Variants in STXBP5L observed in about 807,000 individuals in gnomAD.
STXBP5L encodes syntaxin binding protein 5L.
In STXBP5L, 65 loss-of-function variants were observed where a neutral mutation model predicts 144.5. That is an observed-to-expected ratio of 0.45 (90% CI 0.37 to 0.55). The LOEUF is 0.55. STXBP5L is among the 20% of genes least tolerant of loss of function. The pLI is 0.00. For missense variants in STXBP5L, 1,298 were observed against 1,405.5 expected, an observed-to-expected ratio of 0.92 and a Z score of 1.22; for synonymous variants, 505 against 469.6, an observed-to-expected ratio of 1.08 and a Z score of -0.97.
intron 3 of STXBP5L, among the ~76,000 whole-genome samples, chr3:120,998,261 T>A (rs528446632): frequency 8.5e-5 from 13 of 152,134 alleles, no homozygotes; most frequent in African/African-American, 3.1e-4. Flanking sequence ...AGAAGTAAAG[T>A]CCTCCAAATA....
chr3:120,966,747 A>G (rs919878404), intron 3 of STXBP5L, among the ~76,000 whole-genome samples: 2 of 152,096 alleles, frequency 1.3e-5, no homozygotes, highest in African/African-American at 4.8e-5. Context: ...TTAGGCTACA[A>G]GGGGGTCAGG....
chr3:121,321,297 T>C (rs938864891), intron 20 of STXBP5L, among the ~76,000 whole-genome samples: 1 of 152,202 alleles, frequency 6.6e-6, no homozygotes, highest in Non-Finnish European at 1.5e-5. Flanking sequence ...TTAAACTATG[T>C]GAAATGCATC....
intron 18 of STXBP5L, among the ~76,000 whole-genome samples, chr3:121,277,541 T>C (rs537844390): frequency 6.6e-6 from 1 of 152,192 alleles, no homozygotes; most frequent in South Asian, 2.1e-4. Flanking sequence ...CTTGATTATC[T>C]GTAATATGCT....
chr3:121,082,626 T>G (rs1342088010), intron 5 of STXBP5L, among the ~76,000 whole-genome samples: 1 of 152,194 alleles, frequency 6.6e-6, no homozygotes, highest in Non-Finnish European at 1.5e-5. Flanking sequence ...TAAATGAAGT[T>G]TCATAGGAGA....
intron 3 of STXBP5L, among the ~76,000 whole-genome samples, chr3:121,002,858 A>T (rs1049128345): frequency 1.3e-5 from 2 of 152,038 alleles, no homozygotes; most frequent in African/African-American, 4.8e-5. Context: ...TTCCAGCTTC[A>T]TCCATGTCCC....
At position 120,999,253 on chromosome 3, in the gene STXBP5L, G is replaced by A. The variant is rs559112767; in HGVS notation, c.288-42447G>A. Among the ~76,000 whole-genome samples, 5 of 152,086 alleles carry A rather than the reference G, an allele frequency of 3.3e-5. No individual in the cohort carries two copies. In the East Asian group the frequency reaches 9.7e-4, roughly 29 times the overall value. Reference sequence around the variant, plus strand: ...TTTTTAGTAGAGATGTGGTTTCACCGTGTTGGCCAGGCTTGTCTTGAACTC... The same window carrying A: ...TTTTTAGTAGAGATGTGGTTTCACCATGTTGGCCAGGCTTGTCTTGAACTC... On this transcript the variant is annotated intron_variant, in intron 3 of 26. Coordinates refer to ENST00000471454, the MANE Select transcript of STXBP5L (RefSeq NM_001308330.2).
intron 19 of STXBP5L, among the ~76,000 whole-genome samples, chr3:121,304,682 C>T (rs1403101949): frequency 1.3e-5 from 2 of 151,946 alleles, no homozygotes; most frequent in East Asian, 1.9e-4. Flanking sequence ...ACAAACACAA[C>T]ATATCAAAAT....
intron 22 of STXBP5L, among the ~76,000 whole-genome samples, chr3:121,390,132 AT>A (rs2046539853): frequency 6.6e-6 from 1 of 152,198 alleles, no homozygotes; most frequent in African/African-American, 2.4e-5. Flanking sequence ...TCCCTTTACC[AT>A]TATGTAATGG....
intron 3 of STXBP5L, among the ~76,000 whole-genome samples, chr3:120,995,807 A>T (rs893551754): frequency 3.3e-5 from 5 of 152,156 alleles, no homozygotes; most frequent in Non-Finnish European, 5.9e-5. Flanking sequence ...TAAGAATTAG[A>T]ATAGTTTATT....
intron 7 of STXBP5L, among the ~76,000 whole-genome samples, chr3:121,142,339 A>C (rs866900857): frequency 6.6e-5 from 10 of 152,058 alleles, no homozygotes; most frequent in Non-Finnish European, 1.2e-4. Flanking sequence ...ACTTTCAATA[A>C]TAGACAGATT....
intron 4 of STXBP5L, among the ~76,000 whole-genome samples, chr3:121,043,977 C>G (rs1947335878): frequency 6.6e-6 from 1 of 152,080 alleles, no homozygotes; most frequent in Admixed American, 6.6e-5. Flanking sequence ...TGTAACTCAT[C>G]AAATGCTTCC....
intron 19 of STXBP5L, among the ~76,000 whole-genome samples, chr3:121,309,346 G>C (rs746094711): frequency 6.6e-6 from 1 of 151,966 alleles, no homozygotes; most frequent in East Asian, 1.9e-4. Flanking sequence ...TGGAGTTACT[G>C]TACTAATACC....
At chr3:120,997,656 C>CT (rs1292835775) in intron 3 of STXBP5L, among the ~76,000 whole-genome samples, 2 of 152,046 alleles carry the variant, frequency 1.3e-5, no homozygotes, top group South Asian at 4.2e-4. Flanking sequence ...TGTTTTTAAG[C>CT]TTTTGTAGTC....
At chr3:121,190,756 G>T (rs1261981468) in intron 9 of STXBP5L, among the ~76,000 whole-genome samples, 4 of 119,774 alleles carry the variant, frequency 3.3e-5, no homozygotes, top group Non-Finnish European at 5.8e-5. Context: ...GGCAGCTGCC[G>T]GGCGGAGGGG....
intron 14 of STXBP5L, among the ~76,000 whole-genome samples, chr3:121,246,183 C>T (rs1327019537): frequency 6.6e-6 from 1 of 152,194 alleles, no homozygotes; most frequent in Non-Finnish European, 1.5e-5. Flanking sequence ...ATTGGATTCT[C>T]ATAGGAGTAC....
intron 19 of STXBP5L, among the ~76,000 whole-genome samples, chr3:121,310,770 A>G (rs1358301834): frequency 3.3e-5 from 5 of 152,070 alleles, no homozygotes; most frequent in Non-Finnish European, 7.4e-5. Flanking sequence ...TTAGCCAGGC[A>G]TGGTGGCCCA....
At chr3:120,985,874 T>C (rs915461650) in intron 3 of STXBP5L, among the ~76,000 whole-genome samples, 1 of 151,978 alleles carries the variant, frequency 6.6e-6, no homozygotes, top group African/African-American at 2.4e-5. Context: ...AACCAACTTT[T>C]GGTTTCACTG....
chr3:121,139,778 G>A (rs747798020), intron 7 of STXBP5L, among the ~76,000 whole-genome samples: 6 of 151,986 alleles, frequency 3.9e-5, no homozygotes, highest in African/African-American at 9.7e-5. Context: ...AAAGGAAACC[G>A]TACTTAGTAG....
chr3:121,170,230 A>G (rs1261655959), intron 9 of STXBP5L, among the ~76,000 whole-genome samples: 1 of 152,246 alleles, frequency 6.6e-6, no homozygotes, highest in African/African-American at 2.4e-5. Flanking sequence ...CTAAATGCCC[A>G]CAGGAGAAAG....
Sources: allele counts gnomAD v4.1 joint callset (sites outside exome capture counted in the v4.1 genomes callset), GRCh38; gene constraint gnomAD v4.1.1; transcripts MANE v1.5; gene names NCBI Gene and HGNC (gene_info 2026-07-23, HGNC 2026-07-21).